RPH3A: variants seen among roughly 807,000 people sequenced by gnomAD.
The protein encoded by RPH3A is rabphilin-3A.
Under a neutral mutation model 102.2 loss-of-function variants are expected in RPH3A, and 48 were observed. That is an observed-to-expected ratio of 0.47 (90% CI 0.37 to 0.60). RPH3A has a LOEUF of 0.60. RPH3A is among the 20% of genes least tolerant of loss of function. The pLI, the probability that RPH3A is intolerant of heterozygous loss-of-function variation, is 0.00. For missense variants in RPH3A, 781 were observed against 910.1 expected (o/e 0.86, Z 1.83); for synonymous variants, 310 against 324.3 (o/e 0.96, Z 0.47).
At chr12:112,688,008 A>G (rs560007662) in intron 1 of RPH3A, among the ~76,000 whole-genome samples, 1 of 152,244 alleles carries the variant, frequency 6.6e-6, no homozygotes, top group African/African-American at 2.4e-5. Flanking sequence ...ATAGTTTAAC[A>G]TTCCCTAAAG....
At chr12:112,684,902 T>G (rs377371457) in intron 1 of RPH3A, among the ~76,000 whole-genome samples, 1 of 152,212 alleles carries the variant, frequency 6.6e-6, no homozygotes. Flanking sequence ...TGCTTCTTCA[T>G]AGATGGTTTC....
intron 2 of RPH3A, among the ~76,000 whole-genome samples, chr12:112,799,745 A>C (rs1468662627): frequency 6.6e-6 from 1 of 152,108 alleles, no homozygotes; most frequent in East Asian, 1.9e-4. Context: ...CTCATTGGTC[A>C]CCCGGGGGAT....
intron 4 of RPH3A, among the ~76,000 whole-genome samples, chr12:112,843,010 C>T (rs1057342303): frequency 2.6e-5 from 4 of 152,164 alleles, no homozygotes; most frequent in African/African-American, 7.2e-5. Context: ...CATAGTAGGC[C>T]CTCTGGGTAT....
At chr12:112,632,207 T>G (rs1010918871) in intron 1 of RPH3A, among the ~76,000 whole-genome samples, 1 of 152,130 alleles carries the variant, frequency 6.6e-6, no homozygotes, top group Admixed American at 6.6e-5. Context: ...TTGTGAGGCC[T>G]CCCCAGCCAT....
chr12:112,700,538 C>T (rs992520165), intron 1 of RPH3A, among the ~76,000 whole-genome samples: 2 of 152,202 alleles, frequency 1.3e-5, no homozygotes, highest in Non-Finnish European at 2.9e-5. Context: ...CTTCTCTCAT[C>T]CACCTGTTGG....
intron 1 of RPH3A, among the ~76,000 whole-genome samples, chr12:112,630,406 G>T (rs1011882419): frequency 1.3e-5 from 2 of 152,198 alleles, no homozygotes; most frequent in Non-Finnish European, 2.9e-5. Context: ...CTAAGCACAG[G>T]TGTGGTCTTT....
intron 1 of RPH3A, among the ~76,000 whole-genome samples, chr12:112,766,890 G>A (rs1161295612): frequency 6.6e-6 from 1 of 152,196 alleles, no homozygotes; most frequent in Non-Finnish European, 1.5e-5. Flanking sequence ...CTGGACCCAG[G>A]TGAGTGGGGT....
rs2042652809 is a variant in RPH3A, at chr12:112,868,612, G to A, written c.610+17G>A. On this transcript the variant is annotated intron_variant, in intron 8 of 21. Coordinates refer to ENST00000389385, the MANE Select transcript of RPH3A (RefSeq NM_001143854.2). ...CAGCTCGAGGTAGGACAAAACAGGT[G>A]CTTCTTTCAGGACCAAGGACAGATC... The A allele has an allele frequency of 2.5e-6, 4 of 1,611,196 alleles. No individual in the cohort carries two copies. Among genetic ancestry groups the A allele is most frequent in the Admixed American group, 1.7e-5 (1 of 59,638 alleles).
rs151298343 is a variant in RPH3A, at chr12:112,701,326, T to C, written c.-139-90817T>C. 1.8e-4 allele frequency among the ~76,000 whole-genome samples: 27 copies of C among 152,244 alleles called. No homozygotes were observed. The East Asian group carries it at 3.5e-3, about 20-fold the overall frequency. On this transcript the variant is annotated intron_variant, in intron 1 of 21. Transcript: ENST00000543106. ...TGTGAATCTGGTACAATGCGGGAAG[T>C]TGAAAAAGTTCAAGCCTGGTGGCTA...
At chr12:112,600,286 G>A (rs1431852132) in intron 1 of RPH3A, among the ~76,000 whole-genome samples, 1 of 152,150 alleles carries the variant, frequency 6.6e-6, no homozygotes, top group Non-Finnish European at 1.5e-5. Flanking sequence ...CCCAGGTTGT[G>A]CTGAATAATT....
chr12:112,587,849 A>G (rs2039449691), intron 1 of RPH3A, among the ~76,000 whole-genome samples: 1 of 152,172 alleles, frequency 6.6e-6, no homozygotes, highest in Non-Finnish European at 1.5e-5. Context: ...CAGAAGGATA[A>G]GACAATGGAT....
At chr12:112,768,175 C>T (rs998442846) in intron 1 of RPH3A, among the ~76,000 whole-genome samples, 11 of 152,314 alleles carry the variant, frequency 7.2e-5, no homozygotes, top group South Asian at 6.2e-4. Flanking sequence ...CCCTGACTCA[C>T]GGTAACCGCA....
At chr12:112,841,619 A>T (rs960210656) in intron 4 of RPH3A, among the ~76,000 whole-genome samples, 1 of 152,162 alleles carries the variant, frequency 6.6e-6, no homozygotes, top group African/African-American at 2.4e-5. Flanking sequence ...GTCCAGAGAG[A>T]TAGAATACTT....
At chr12:112,651,404 C>A (rs1039458235) in intron 1 of RPH3A, among the ~76,000 whole-genome samples, 9 of 151,782 alleles carry the variant, frequency 5.9e-5, no homozygotes, top group African/African-American at 2.2e-4. Flanking sequence ...AACAAACAAA[C>A]AAAATCCCAA....
chr12:112,642,572 C>A (rs991004471), intron 1 of RPH3A, among the ~76,000 whole-genome samples: 3 of 152,094 alleles, frequency 2.0e-5, no homozygotes, highest in Non-Finnish European at 4.4e-5. Context: ...TGGGATTCAA[C>A]CTTGGGTCTT....
intron 2 of RPH3A, among the ~76,000 whole-genome samples, chr12:112,817,548 G>A (rs1034971811): frequency 4.4e-5 from 6 of 135,012 alleles, no homozygotes; most frequent in Non-Finnish European, 9.0e-5. Context: ...AAATGCACAC[G>A]TGTGTGTGTG....
chr12:112,836,434 A>C (rs374478093), intron 3 of RPH3A, 57 bp from the exon 4 acceptor site: 237 of 1,088,804 alleles, frequency 2.2e-4, no homozygotes, highest in Non-Finnish European at 3.0e-4. Flanking sequence ...TATTGTTATG[A>C]TTTCTTACCT....
At chr12:112,618,347 A>T (rs529962625) in intron 1 of RPH3A, among the ~76,000 whole-genome samples, 1 of 152,118 alleles carries the variant, frequency 6.6e-6, no homozygotes, top group Admixed American at 6.5e-5. Flanking sequence ...CTGCAGAGCA[A>T]TTCCACAGTG....
intron 15 of RPH3A, 122 bp from the exon 16 acceptor site, chr12:112,883,171 A>G: frequency 1.5e-6 from 1 of 673,130 alleles, no homozygotes; most frequent in Non-Finnish European, 2.7e-6. Flanking sequence ...GGGAATAACT[A>G]AGCCCCTGGA....
Sources: gnomAD v4.1 joint callset for allele counts (sites outside exome capture counted in the v4.1 genomes callset) on GRCh38, gnomAD v4.1.1 for gene constraint, MANE v1.5 for transcripts, NCBI Gene and HGNC (gene_info 2026-07-23, HGNC 2026-07-21) for gene names.